Variants in CCDC30 observed in about 807,000 individuals in gnomAD.
The protein encoded by CCDC30 is coiled-coil domain containing 30.
CCDC30 carries 70 observed loss-of-function variants against 100.2 expected under a neutral mutation model. The observed-to-expected ratio is 0.70, with a 90% confidence interval of 0.58 to 0.85. CCDC30 has a LOEUF of 0.85. Ranked by LOEUF, CCDC30 falls within the 40% of genes least tolerant of loss-of-function variation. CCDC30 has a pLI of 0.00. For synonymous variants in CCDC30, 233 were observed against 269.5 expected (o/e 0.86, Z 1.33); for missense variants, 652 against 771.2 (o/e 0.85, Z 1.83).
chr1:42,538,629 A>G (rs949096608), intron 6 of CCDC30, among the ~76,000 whole-genome samples: 1 of 152,164 alleles, frequency 6.6e-6, no homozygotes, highest in Non-Finnish European at 1.5e-5. Flanking sequence ...ATTTTTTTTA[A>G]AAAACCACAG....
chr1:42,515,856 G>A (rs563520587), intron 6 of CCDC30, among the ~76,000 whole-genome samples: 19 of 152,174 alleles, frequency 1.2e-4, no homozygotes, highest in Non-Finnish European at 2.4e-4. Flanking sequence ...TGTCTTCAAG[G>A]TTCATCCATG....
intron 6 of CCDC30, chr1:42,500,271 C>T (rs1351172864): frequency 4.3e-6 from 7 of 1,610,534 alleles, no homozygotes; most frequent in Admixed American, 1.7e-5. Context: ...TTTTCTCTTG[C>T]GTCTCTGTCT....
intron 7 of CCDC30, chr1:42,570,841 ATACTTTATTTAT>A (rs1255847200): frequency 1.3e-5 from 2 of 151,944 alleles, no homozygotes; most frequent in Non-Finnish European, 2.9e-5. Flanking sequence ...AGAAAATGCC[ATACTTTATTTAT>A]TTTTTCTGTG....
At chr1:42,542,644 G>A (rs1445243936) in intron 6 of CCDC30, 2 of 116,764 alleles carry the variant, frequency 1.7e-5, no homozygotes, top group Non-Finnish European at 1.9e-5. Context: ...TCCGCTTCCC[G>A]GGTTCACGCC....
At chr1:42,521,893 A>G (rs1044348277) in intron 6 of CCDC30, among the ~76,000 whole-genome samples, 1 of 152,004 alleles carries the variant, frequency 6.6e-6, no homozygotes, top group Non-Finnish European at 1.5e-5. Flanking sequence ...TAATTTGGTT[A>G]CTATTTGCAT....
At chr1:42,649,157 A>C (rs1452347343) in intron 15 of CCDC30, among the ~76,000 whole-genome samples, 1 of 152,220 alleles carries the variant, frequency 6.6e-6, no homozygotes, top group Non-Finnish European at 1.5e-5. Context: ...ACTCTTCAAA[A>C]AAAATAAAGA....
At chr1:42,647,910 T>A (rs971909465) in intron 15 of CCDC30, among the ~76,000 whole-genome samples, 1 of 152,160 alleles carries the variant, frequency 6.6e-6, no homozygotes, top group South Asian at 2.1e-4. Context: ...TGGGATATGA[T>A]AAAAGCAATA....
At chr1:42,500,649 G>A (rs895529641) in intron 6 of CCDC30, among the ~76,000 whole-genome samples, 2 of 152,048 alleles carry the variant, frequency 1.3e-5, no homozygotes, top group Admixed American at 1.3e-4. Flanking sequence ...TCCTGACCTC[G>A]TGATCCACCC....
chr1:42,635,984 G>A (rs758274261), intron 11 of CCDC30, among the ~76,000 whole-genome samples: 1 of 152,154 alleles, frequency 6.6e-6, no homozygotes, highest in East Asian at 1.9e-4. Flanking sequence ...ATCCTAGTGC[G>A]TGTGAAGCAG....
intron 4 of CCDC30, among the ~76,000 whole-genome samples, chr1:42,491,414 T>G (rs1288365566): frequency 2.0e-5 from 3 of 151,626 alleles, no homozygotes; most frequent in African/African-American, 7.3e-5. Context: ...ACAGTTGAAC[T>G]CATGGACATA....
chr1:42,580,941 A>G lies in CCDC30; in HGVS notation c.847-419A>G, dbSNP rs527723325. On this transcript the variant is annotated intron_variant, in intron 8 of 16. Transcript: ENST00000668663. ...GGAGGCAGTTTGGCATTATCTATCA[A>G]ACAAACAAATACTCAGCTTCCTGAG... 4.2e-5 allele frequency: 19 copies of G among 449,612 alleles called. 1 individual carries two copies. Among genetic ancestry groups the G allele is most frequent in the African/African-American group, 3.0e-4 (15 of 49,794 alleles). The allele number at this position is 449,612 out of a possible 1,614,324, so 27.9% of individuals were successfully genotyped here.
chr1:42,629,831 G>C (rs2148667553), intron 11 of CCDC30, among the ~76,000 whole-genome samples: 1 of 151,976 alleles, frequency 6.6e-6, no homozygotes, highest in Non-Finnish European at 1.5e-5. Context: ...GGCCCGGCTG[G>C]TCTTGAACTC....
chr1:42,462,326 A>T (rs1001727637), upstream of CCDC30, among the ~76,000 whole-genome samples: 1 of 152,182 alleles, frequency 6.6e-6, no homozygotes, highest in African/African-American at 2.4e-5. Context: ...ATGGAGGATC[A>T]AGGAATGTCT....
chr1:42,478,314 G>C (rs765030249), intron 1 of CCDC30, among the ~76,000 whole-genome samples: 1 of 152,180 alleles, frequency 6.6e-6, no homozygotes, highest in Non-Finnish European at 1.5e-5. Flanking sequence ...GGCTCAGAGT[G>C]TAAATGGTGA....
At chr1:42,456,813 T>A in the CCDC30 span, 17 of 1,613,424 alleles carry the variant, frequency 1.1e-5, no homozygotes. Flanking sequence ...GTCCTGTTCT[T>A]GTATCGCGCT....
At chr1:42,637,250 A>G in exon 12 of CCDC30, 1 of 1,583,202 alleles carries the variant, frequency 6.3e-7, no homozygotes, top group Non-Finnish European at 8.5e-7. Flanking sequence ...CTATAATGAG[A>G]AACATCACCA....
intron 11 of CCDC30, among the ~76,000 whole-genome samples, chr1:42,616,228 C>A (rs566568779): frequency 2.6e-4 from 40 of 152,248 alleles, no homozygotes; most frequent in Admixed American, 2.2e-3. Flanking sequence ...TTTTGAATTT[C>A]TTTGATGGCT....
rs138937614 is a variant in CCDC30, at chr1:42,471,219, A to G, written c.-92+7321A>G. On this transcript the variant is annotated intron_variant, in intron 1 of 16. Transcript: ENST00000668663. Reference sequence around the variant, plus strand: ...GCCTGTACCGTCCTACTGATCAGCAAGGATCAGATCCAAAGGTATTTTCCA... The same window carrying G: ...GCCTGTACCGTCCTACTGATCAGCAGGGATCAGATCCAAAGGTATTTTCCA... Among the ~76,000 whole-genome samples the G allele has an allele frequency of 2.3e-3, 346 of 152,284 alleles. 2 individuals are homozygous for G. Among genetic ancestry groups the G allele is most frequent in the African/African-American group, 8.0e-3 (333 of 41,562 alleles).
intron 11 of CCDC30, among the ~76,000 whole-genome samples, chr1:42,625,037 T>C (rs1646906312): frequency 1.3e-5 from 2 of 152,178 alleles, no homozygotes; most frequent in African/African-American, 4.8e-5. Flanking sequence ...TGGGGGACTT[T>C]TTTTTATGGC....
Sources: allele counts gnomAD v4.1 joint callset (sites outside exome capture counted in the v4.1 genomes callset), GRCh38; gene constraint gnomAD v4.1.1; transcripts MANE v1.5; gene names NCBI Gene and HGNC (gene_info 2026-07-23, HGNC 2026-07-21).